Variants in SYTL5 observed in about 807,000 individuals in gnomAD.
SYTL5 encodes the protein synaptotagmin-like protein 5.
SYTL5 carries 34 observed loss-of-function variants against 55.9 expected under a neutral mutation model. The ratio of observed to expected loss-of-function variants is 0.61; its 90% CI spans 0.46 to 0.81. The LOEUF (loss-of-function observed/expected upper bound fraction) is 0.81. Ranked by LOEUF, SYTL5 falls within the 30% of genes least tolerant of loss-of-function variation. SYTL5 has a pLI of 0.00. For missense variants in SYTL5, 637 were observed against 546.7 expected, an observed-to-expected ratio of 1.17 and a Z score of -1.65; for synonymous variants, 221 against 188.7, an observed-to-expected ratio of 1.17 and a Z score of -1.40.
At chrX:38,078,347 G>A (rs1936441690) in intron 6 of SYTL5, among the ~76,000 whole-genome samples, 1 of 109,247 alleles carries the variant, frequency 9.2e-6, no homozygotes, top group Non-Finnish European at 1.9e-5. Context: ...TGCAACCTCA[G>A]CCTCCTGGGT....
At chrX:37,997,381 T>C in the SYTL5 span, among the ~76,000 whole-genome samples, 1 of 112,664 alleles carries the variant, frequency 8.9e-6, no homozygotes, top group Admixed American at 9.3e-5. Context: ...CCTGCCCTCC[T>C]GGACACAGCT....
the SYTL5 span, among the ~76,000 whole-genome samples, chrX:37,897,687 G>A: frequency 2.7e-5 from 3 of 111,413 alleles, no homozygotes; most frequent in African/African-American, 9.8e-5. Context: ...CACCTTACTG[G>A]CTGTCATAGC....
the SYTL5 span, among the ~76,000 whole-genome samples, chrX:37,951,717 G>A: frequency 6.3e-5 from 7 of 111,489 alleles, no homozygotes; most frequent in Non-Finnish European, 1.1e-4. Context: ...GGAGTGGTGA[G>A]GGATGAGTCT....
chrX:37,923,582 T>C, the SYTL5 span, among the ~76,000 whole-genome samples: 4 of 110,208 alleles, frequency 3.6e-5, no homozygotes, highest in Non-Finnish European at 5.7e-5. Flanking sequence ...TGTATATATA[T>C]ACAATTCTCA....
chrX:37,909,735 C>T, the SYTL5 span, among the ~76,000 whole-genome samples: 1 of 109,185 alleles, frequency 9.2e-6, no homozygotes, highest in African/African-American at 3.4e-5. Flanking sequence ...AGTGCAATGG[C>T]GTGATCTCAG....
At chrX:37,966,440 T>TTC in the SYTL5 span, among the ~76,000 whole-genome samples, 10 of 91,187 alleles carry the variant, frequency 1.1e-4, no homozygotes, top group African/African-American at 4.1e-4. Flanking sequence ...CTTTTTCTTT[T>TTC]TTTTTTTTTT....
At chrX:38,068,660 C>T (rs1434083423) in intron 3 of SYTL5, among the ~76,000 whole-genome samples, 1 of 111,220 alleles carries the variant, frequency 9.0e-6, no homozygotes, top group African/African-American at 3.3e-5. Flanking sequence ...TTATCCTAAG[C>T]GAATTAATGC....
the SYTL5 span, among the ~76,000 whole-genome samples, chrX:37,953,706 A>T: frequency 1.4e-4 from 16 of 111,656 alleles, no homozygotes; most frequent in Non-Finnish European, 2.8e-4. Context: ...TATAAGTCAC[A>T]TGCCCATCCC....
chrX:37,985,317 G>C, the SYTL5 span, among the ~76,000 whole-genome samples: 3 of 111,601 alleles, frequency 2.7e-5, no homozygotes, highest in Admixed American at 9.5e-5. Context: ...TCAATTGTCT[G>C]AGTTACGAGC....
chrX:38,053,425 G>A (rs763417142), intron 2 of SYTL5, among the ~76,000 whole-genome samples: 38 of 112,231 alleles, frequency 3.4e-4, no homozygotes, highest in Non-Finnish European at 6.6e-4. Flanking sequence ...GGGTTGAGTG[G>A]GTAAATCATT....
At chrX:37,961,076 G>A in the SYTL5 span, among the ~76,000 whole-genome samples, 1 of 110,494 alleles carries the variant, frequency 9.1e-6, no homozygotes, top group Admixed American at 9.7e-5. Flanking sequence ...GAGCCACCGC[G>A]CCCGGCCTCC....
At chrX:37,908,077 A>G in the SYTL5 span, among the ~76,000 whole-genome samples, 7 of 103,601 alleles carry the variant, frequency 6.8e-5, no homozygotes, top group African/African-American at 2.5e-4. Flanking sequence ...TGATTGCACC[A>G]CTACATTCTA....
At chrX:37,894,167 T>C in the SYTL5 span, among the ~76,000 whole-genome samples, 1 of 112,031 alleles carries the variant, frequency 8.9e-6, no homozygotes, top group South Asian at 3.6e-4. Context: ...TATTTATGAC[T>C]ATATCACAGT....
the SYTL5 span, among the ~76,000 whole-genome samples, chrX:37,898,204 C>T: frequency 3.6e-5 from 4 of 112,063 alleles, no homozygotes; most frequent in Non-Finnish European, 5.6e-5. Flanking sequence ...TCTAGGGTCT[C>T]TTTTGTAAGG....
chrX:37,919,798 C>T, the SYTL5 span, among the ~76,000 whole-genome samples: 1 of 112,268 alleles, frequency 8.9e-6, no homozygotes, highest in African/African-American at 3.2e-5. Context: ...TTTTTGTAAC[C>T]TTTTTGTGTT....
chrX:37,982,404 T>A, the SYTL5 span, among the ~76,000 whole-genome samples: 1 of 111,635 alleles, frequency 9.0e-6, no homozygotes, highest in Non-Finnish European at 1.9e-5. Flanking sequence ...AAAAAGAATT[T>A]AAAAAAATTA....
At chrX:37,937,321 C>T in the SYTL5 span, among the ~76,000 whole-genome samples, 1 of 110,932 alleles carries the variant, frequency 9.0e-6, no homozygotes, top group East Asian at 2.8e-4. Context: ...AAGAAGAGGG[C>T]AGACGGGAAT....
the SYTL5 span, among the ~76,000 whole-genome samples, chrX:37,941,484 G>A: frequency 5.6e-5 from 6 of 108,043 alleles, no homozygotes; most frequent in East Asian, 2.9e-4. Flanking sequence ...GTGTTCACCC[G>A]GACATGCAAA....
chrX:38,122,527 A>T lies in SYTL5; in HGVS notation c.1841+312A>T, dbSNP rs545385483. 2.7e-5 allele frequency among the ~76,000 whole-genome samples: 3 copies of T among 112,518 alleles called. No individual in the cohort carries two copies. The South Asian group carries it at 1.1e-3, about 42-fold the overall frequency. On this transcript the variant is annotated intron_variant, in intron 15 of 16. Transcript: ENST00000297875. ...AAGTATGATTTCCTATGTATAATGT[A>T]TTTATATTGTTCTTTATTATCATTT...
Sources: allele counts gnomAD v4.1 joint callset (sites outside exome capture counted in the v4.1 genomes callset), GRCh38; gene constraint gnomAD v4.1.1; transcripts MANE v1.5; gene names NCBI Gene and HGNC (gene_info 2026-07-23, HGNC 2026-07-21).